CATSPERB: variants seen among roughly 807,000 people sequenced by gnomAD.
CATSPERB encodes the protein catsper channel auxiliary subunit beta.
CATSPERB carries 93 observed loss-of-function variants against 128.3 expected under a neutral mutation model. That is an observed-to-expected ratio of 0.72 (90% CI 0.61 to 0.86). The LOEUF is 0.86. Ranked by LOEUF, CATSPERB falls within the 40% of genes least tolerant of loss-of-function variation. The probability of loss-of-function intolerance (pLI) is 0.00; values close to 1 mark genes in which losing one functional copy is unlikely to be tolerated. For synonymous variants in CATSPERB, 381 were observed against 448.8 expected (o/e 0.85, Z 1.91); for missense variants, 1,153 against 1,329.5 (o/e 0.87, Z 2.06).
intron 20 of CATSPERB, among the ~76,000 whole-genome samples, chr14:91,616,864 C>T (rs1893948725): frequency 6.6e-6 from 1 of 151,146 alleles, no homozygotes; most frequent in African/African-American, 2.4e-5. Flanking sequence ...GCCTCAGCCT[C>T]TCGAGTAGCT....
At chr14:91,604,618 C>T in intron 22 of CATSPERB, 1 of 1,611,222 alleles carries the variant, frequency 6.2e-7, no homozygotes, top group Non-Finnish European at 8.5e-7. Context: ...TGTTCCAGGC[C>T]TGATTGTTCC....
chr14:91,625,802 A>G (rs901372464), intron 17 of CATSPERB, among the ~76,000 whole-genome samples: 4 of 152,164 alleles, frequency 2.6e-5, no homozygotes, highest in Non-Finnish European at 5.9e-5. Flanking sequence ...AAAAAATTCA[A>G]TCTAGACACA....
At chr14:91,601,496 G>T (rs923310374) in intron 22 of CATSPERB, among the ~76,000 whole-genome samples, 1 of 152,042 alleles carries the variant, frequency 6.6e-6, no homozygotes, top group African/African-American at 2.4e-5. Context: ...AATTTTGGTT[G>T]GTGTTTACAC....
intron 14 of CATSPERB, among the ~76,000 whole-genome samples, chr14:91,661,401 C>T (rs1227809543): frequency 1.3e-5 from 2 of 151,702 alleles, no homozygotes; most frequent in Non-Finnish European, 2.9e-5. Context: ...AAGTTGTACC[C>T]AAATTTTCAC....
intron 2 of CATSPERB, among the ~76,000 whole-genome samples, chr14:91,728,931 C>G (rs1466874529): frequency 6.6e-6 from 1 of 152,220 alleles, no homozygotes; most frequent in Non-Finnish European, 1.5e-5. Context: ...ATCTCACTTT[C>G]CACAGTTTCA....
At chr14:91,654,967 AAT>A in intron 15 of CATSPERB, among the ~76,000 whole-genome samples, 1 of 78,972 alleles carries the variant, frequency 1.3e-5, no homozygotes, top group East Asian at 5.9e-4. Flanking sequence ...TCTTCCTGGT[AAT>A]ACAGTCTCTT....
At chr14:91,636,224 T>G in intron 17 of CATSPERB, 1 of 508,388 alleles carries the variant, frequency 2.0e-6, no homozygotes, top group South Asian at 3.6e-5. Context: ...TTAGCCGGGC[T>G]TGGTGGTGTG....
chr14:91,728,878 C>T (rs1236159683), intron 2 of CATSPERB, among the ~76,000 whole-genome samples: 4 of 152,216 alleles, frequency 2.6e-5, no homozygotes, highest in Non-Finnish European at 5.9e-5. Flanking sequence ...ATTCATTGCC[C>T]TATTCACAGT....
intron 14 of CATSPERB, among the ~76,000 whole-genome samples, chr14:91,666,771 C>T (rs539325424): frequency 3.3e-5 from 5 of 152,162 alleles, no homozygotes; most frequent in Non-Finnish European, 4.4e-5. Flanking sequence ...AGATACCAGG[C>T]GCTACTCCTT....
intron 15 of CATSPERB, among the ~76,000 whole-genome samples, chr14:91,658,136 T>G (rs1260399570): frequency 6.6e-6 from 1 of 152,184 alleles, no homozygotes; most frequent in Non-Finnish European, 1.5e-5. Context: ...GCAGCCTAAG[T>G]GTCCATCAAC....
chr14:91,696,993 T>C lies in CATSPERB; in HGVS notation c.617-3514A>G, dbSNP rs189381404. ...ACAGCCAAGAGTAAGAGGGGAAGAGTATTTGAGGAGTGGAAAGAAGTGTGA... is the reference window on the plus strand; with the variant it reads ...ACAGCCAAGAGTAAGAGGGGAAGAGCATTTGAGGAGTGGAAAGAAGTGTGA... On this transcript the variant is annotated intron_variant, in intron 7 of 26. Transcript: ENST00000256343. Among the ~76,000 whole-genome samples, 101 of 151,686 alleles carry C rather than the reference T, an allele frequency of 6.7e-4. 1 individual carries two copies. The highest frequency in any genetic ancestry group is 2.3e-3 in the African/African-American group (94 of 41,306).
chr14:91,621,113 G>A (rs1894033554), intron 19 of CATSPERB, among the ~76,000 whole-genome samples: 1 of 152,128 alleles, frequency 6.6e-6, no homozygotes, highest in South Asian at 2.1e-4. Flanking sequence ...ATAATGTATA[G>A]AAATATGGCT....
intron 7 of CATSPERB, among the ~76,000 whole-genome samples, chr14:91,696,298 G>C (rs1284437461): frequency 1.3e-5 from 2 of 152,214 alleles, no homozygotes; most frequent in Admixed American, 6.5e-5. Context: ...GAAAACTAAA[G>C]AGTGACCAAT....
At chr14:91,677,704 T>A (rs892172443) in intron 11 of CATSPERB, among the ~76,000 whole-genome samples, 1 of 152,360 alleles carries the variant, frequency 6.6e-6, no homozygotes, top group Middle Eastern at 3.4e-3. Context: ...ATCCCATTAC[T>A]GGGTATATAC....
At chr14:91,667,255 T>G (rs10131079) in intron 14 of CATSPERB, among the ~76,000 whole-genome samples, 60,189 of 152,090 alleles carry the variant, frequency 0.4, 12,080 homozygotes, top group Middle Eastern at 0.54. Context: ...ATTGCACACA[T>G]TGCAAAAACC....
At chr14:91,603,965 A>ATTTTT (rs35843912) in intron 22 of CATSPERB, among the ~76,000 whole-genome samples, 1 of 139,336 alleles carries the variant, frequency 7.2e-6, no homozygotes. Flanking sequence ...AACTTCATCT[A>ATTTTT]TTTTTTTTTT....
chr14:91,599,482 C>G (rs1893570869), intron 22 of CATSPERB, among the ~76,000 whole-genome samples: 1 of 145,474 alleles, frequency 6.9e-6, no homozygotes, highest in South Asian at 2.1e-4. Context: ...TGGCGTGAAC[C>G]TGGGAAGCGG....
At chr14:91,661,548 T>TA (rs1566722229) in intron 14 of CATSPERB, among the ~76,000 whole-genome samples, 19 of 146,890 alleles carry the variant, frequency 1.3e-4, no homozygotes, top group African/African-American at 2.5e-4. Flanking sequence ...TATATATATA[T>TA]TTAAGACAGG....
At position 91,589,568 on chromosome 14, in the gene CATSPERB, C is replaced by T; in HGVS notation, c.2922G>A (p.Val974=). 6.2e-7 allele frequency: 1 copy of T among 1,613,664 alleles called. No homozygotes were observed. The highest frequency in any genetic ancestry group is 8.5e-7 in the Non-Finnish European group (1 of 1,179,742). ...AGTTGTGCCTCATGTTCACTTCAGT[C>T]ACAGTAACCAGATATGGAGATTGCA... ...VPLQSPYLVT[V]TEVNMRHNWK... Residue 974 remains valine, a synonymous_variant, in exon 24 of 27, where the codon GTG becomes GTA. Coordinates refer to ENST00000256343, the MANE Select transcript of CATSPERB (RefSeq NM_024764.4).
Sources: allele counts gnomAD v4.1 joint callset (sites outside exome capture counted in the v4.1 genomes callset), GRCh38; gene constraint gnomAD v4.1.1; transcripts MANE v1.5; gene names NCBI Gene and HGNC (gene_info 2026-07-23, HGNC 2026-07-21).